The following RINT1 variants were observed in gnomAD, a reference collection of about 807,000 sequenced individuals.
RINT1 encodes the protein RAD50-interacting protein 1.
In RINT1, 75 loss-of-function variants were observed where a neutral mutation model predicts 97.7. The observed-to-expected ratio is 0.77, with a 90% confidence interval of 0.64 to 0.93. The LOEUF (loss-of-function observed/expected upper bound fraction) is 0.93. Ranked by LOEUF, RINT1 falls within the 40% of genes least tolerant of loss-of-function variation. The pLI, the probability that RINT1 is intolerant of heterozygous loss-of-function variation, is 0.00. For missense variants in RINT1, 892 were observed against 925.2 expected (o/e 0.96, Z 0.47); for synonymous variants, 303 against 326.3 (o/e 0.93, Z 0.77).
chr7:105,548,167 A>G (rs897075331), intron 6 of RINT1, among the ~76,000 whole-genome samples: 2 of 152,054 alleles, frequency 1.3e-5, no homozygotes, highest in African/African-American at 4.8e-5. Context: ...AGCTGGGACT[A>G]CAGGCACGTG....
At chr7:105,542,891 G>GTCTTT (rs548416720) in intron 4 of RINT1, among the ~76,000 whole-genome samples, 1 of 147,464 alleles carries the variant, frequency 6.8e-6, no homozygotes. Flanking sequence ...AAACTTTTAA[G>GTCTTT]TTTTTTTTTT....
At chr7:105,561,280 C>T (rs1229754150) in intron 11 of RINT1, among the ~76,000 whole-genome samples, 1 of 152,034 alleles carries the variant, frequency 6.6e-6, no homozygotes, top group Non-Finnish European at 1.5e-5. Flanking sequence ...GTAATCTCAG[C>T]ACTTTGGGAA....
chr7:105,532,722 T>C (rs1164707300), intron 1 of RINT1, 102 bp from the exon 2 acceptor site: 1 of 1,262,952 alleles, frequency 7.9e-7, no homozygotes, highest in African/African-American at 1.5e-5. Flanking sequence ...GGAGAGCGTC[T>C]GGAACCTCTC....
chr7:105,558,282 C>CAA (rs780333720), intron 11 of RINT1, among the ~76,000 whole-genome samples: 44 of 93,660 alleles, frequency 4.7e-4, no homozygotes, highest in South Asian at 4.6e-3. Flanking sequence ...GCAGCAAGAG[C>CAA]AAAACAGTCT....
In RINT1 at chr7:105,565,522, T is replaced by C; in HGVS notation, c.2068-8T>C. 1 of 1,610,782 alleles carries C rather than the reference T, an allele frequency of 6.2e-7. No individual in the cohort carries two copies. Among genetic ancestry groups the C allele is most frequent in the Non-Finnish European group, 8.5e-7 (1 of 1,177,332 alleles). The stretch of plus-strand genomic sequence containing the variant: ...GACAACTGTTATATGAATTATTCTT[T>C]GTTTCAGATAATTCTTGCTAATCAC... On this transcript the variant is annotated splice_polypyrimidine_tract_variant and splice_region_variant and intron_variant, in intron 13 of 14. Transcript: ENST00000257700.
In RINT1 at chr7:105,547,014, C is replaced by T. The variant is rs781522183; in HGVS notation, c.620C>T (p.Thr207Ile). The change falls in exon 5 of 15, where the codon ACT (threonine) becomes ATT (isoleucine). Residue 207 changes from threonine (T) to isoleucine (I), a missense_variant. By Grantham distance (89) the Thr-to-Ile change is moderately conservative (BLOSUM62 -1). Coordinates refer to ENST00000257700, the MANE Select transcript of RINT1 (RefSeq NM_021930.6). ...ATTAAACTTCAGGAATCATCTTGTA[C>T]TCATCTTCTTGGTTTCATGAGAGCC... ...LDIKLQESSC[T>I]HLLGFMRATV... 1 of 1,613,850 alleles carries T rather than the reference C, an allele frequency of 6.2e-7. No homozygotes were observed. Among genetic ancestry groups the T allele is most frequent in the Non-Finnish European group, 8.5e-7 (1 of 1,179,770 alleles).
At position 105,536,594 on chromosome 7, in the gene RINT1, A is replaced by C; in HGVS notation, c.118A>C (p.Ser40Arg). The change falls in exon 3 of 15, where the codon AGT becomes CGT. Residue 40 changes from serine to arginine, a missense_variant. Coordinates refer to ENST00000257700, the MANE Select transcript of RINT1 (RefSeq NM_021930.6). ...SDINVTVLIG[S>R]KQVSEGTDNG... Reference sequence around the variant, plus strand: ...CATAAATGTTACAGTTCTTATTGGAAGTAAACAAGTCAGTGAAGGTACAGA... The same window carrying C: ...CATAAATGTTACAGTTCTTATTGGACGTAAACAAGTCAGTGAAGGTACAGA... 6.2e-7 allele frequency: 1 copy of C among 1,601,900 alleles called. No individual in the cohort carries two copies. Among genetic ancestry groups the C allele is most frequent in the Admixed American group, 1.7e-5 (1 of 57,628 alleles).
intron 7 of RINT1, among the ~76,000 whole-genome samples, chr7:105,548,990 C>CTTT (rs759190562): frequency 7.0e-6 from 1 of 143,798 alleles, no homozygotes. Context: ...TATTTCTTTT[C>CTTT]TTTTTTTTTT....
intron 1 of RINT1, 78 bp downstream of exon 1, chr7:105,532,435 C>T (rs1790072247): frequency 1.4e-6 from 2 of 1,475,454 alleles, no homozygotes; most frequent in South Asian, 1.2e-5. Context: ...GGGAGATAGT[C>T]CCGGTGCGGT....
intron 3 of RINT1, chr7:105,541,636 C>T (rs1362875567): frequency 3.9e-5 from 6 of 152,056 alleles, no homozygotes; most frequent in Middle Eastern, 3.4e-3. Flanking sequence ...ATTAGCCGAG[C>T]GTGATGGCAC....
chr7:105,561,879 T>A (rs1404213449), intron 11 of RINT1, among the ~76,000 whole-genome samples: 9 of 152,090 alleles, frequency 5.9e-5, no homozygotes, highest in Non-Finnish European at 5.9e-5. Flanking sequence ...TCATTTTTTT[T>A]AAGTTCATGA....
Position 105,564,078 on chromosome 7 carries a change from C to G in RINT1, c.1886+131C>G. 3 of 655,706 alleles carry G rather than the reference C, an allele frequency of 4.6e-6. No individual in the cohort carries two copies. The South Asian group carries it at 5.8e-5, about 13-fold the overall frequency. The allele number at this position is 655,706 out of a possible 1,614,324, so 40.6% of individuals were successfully genotyped here. On this transcript the variant is annotated intron_variant, in intron 12 of 14. Coordinates refer to ENST00000257700, the MANE Select transcript of RINT1 (RefSeq NM_021930.6). The stretch of plus-strand genomic sequence containing the variant: ...TACTTTATTGTTGATGGAAATATTT[C>G]TAAAGTATGTTCTCTTGGACATTTT...
chr7:105,537,125 ATTTTT>A (rs5886357), intron 3 of RINT1, among the ~76,000 whole-genome samples: 1 of 113,350 alleles, frequency 8.8e-6, no homozygotes, highest in Non-Finnish European at 1.9e-5. Flanking sequence ...CATCATTTCA[ATTTTT>A]TTTTTTTTTT....
At chr7:105,554,216 G>T (rs1269678569) in intron 10 of RINT1, among the ~76,000 whole-genome samples, 2 of 150,292 alleles carry the variant, frequency 1.3e-5, no homozygotes, top group African/African-American at 4.9e-5. Flanking sequence ...TGTATTTCTA[G>T]TAGAGACAGG....
rs370924643 is a variant in RINT1 at position 105,562,254 on chromosome 7, GTTT to G, written c.1672-1474_1672-1472del. Among the ~76,000 whole-genome samples, 447 of 152,138 alleles carry G rather than the reference GTTT, an allele frequency of 2.9e-3. 5 individuals carry two copies. Among genetic ancestry groups the G allele is most frequent in the African/African-American group, 0.01 (417 of 41,518 alleles). On this transcript the variant is annotated intron_variant, in intron 11 of 14. Coordinates refer to ENST00000257700, the MANE Select transcript of RINT1 (RefSeq NM_021930.6). ...AAACAGTATGGCAGTTCCGCAAACT[GTTT>G]TTTTGTTTTCTGAGATGAGATCTCG...
chr7:105,548,787 T>G lies in RINT1; in HGVS notation c.996+77T>G. The G allele has an allele frequency of 5.1e-6, 7 of 1,369,434 alleles. No individual in the cohort carries two copies. In the Admixed American group the frequency reaches 1.6e-4, roughly 32 times the overall value. The allele number at this position is 1,369,434 out of a possible 1,614,324, so 84.8% of individuals were successfully genotyped here. A position where few individuals can be genotyped will look rare whatever the true frequency, so the allele number is the denominator to read the frequency against. The stretch of plus-strand genomic sequence containing the variant: ...GTTTCTATACCTTTGCTGGTTTAAG[T>G]TAAAATCTGACTCTCTTCACATTTC... On this transcript the variant is annotated intron_variant, in intron 7 of 14. Coordinates refer to ENST00000257700, the MANE Select transcript of RINT1 (RefSeq NM_021930.6).
chr7:105,561,483 C>T (rs1300192824), intron 11 of RINT1, among the ~76,000 whole-genome samples: 1 of 152,070 alleles, frequency 6.6e-6, no homozygotes, highest in Admixed American at 6.6e-5. Flanking sequence ...GCCGAGATTG[C>T]TCCATTTCAT....
intron 1 of RINT1, 52 bp from the exon 2 acceptor site, chr7:105,532,772 T>A: frequency 6.3e-7 from 1 of 1,594,100 alleles, no homozygotes; most frequent in Admixed American, 1.7e-5. Context: ...CCGTATGCTT[T>A]CCATCCACGA....
chr7:105,539,969 A>C (rs1790391267), intron 3 of RINT1, among the ~76,000 whole-genome samples: 1 of 152,000 alleles, frequency 6.6e-6, no homozygotes, highest in Non-Finnish European at 1.5e-5. Flanking sequence ...GTATCTAATC[A>C]CTGTTGATTG....
Sources: allele counts gnomAD v4.1 joint callset (sites outside exome capture counted in the v4.1 genomes callset), GRCh38; gene constraint gnomAD v4.1.1; transcripts MANE v1.5; gene names NCBI Gene and HGNC (gene_info 2026-07-23, HGNC 2026-07-21).